The following STX7 variants were observed in gnomAD, a reference collection of about 807,000 sequenced individuals.
STX7 encodes syntaxin 7, also known as syntaxin-7.
In STX7, 34 loss-of-function variants were observed where a neutral mutation model predicts 39.6. The ratio of observed to expected loss-of-function variants is 0.86; its 90% confidence interval spans 0.65 to 1.14. STX7 has a LOEUF of 1.14. Ranked by LOEUF, STX7 falls within the 50% of genes most tolerant of loss-of-function variation. The pLI, the probability that STX7 is intolerant of heterozygous loss-of-function variation, is 0.00. For missense variants in STX7, 284 were observed against 310.4 expected, an observed-to-expected ratio of 0.92 and a Z score of 0.64; for synonymous variants, 119 against 99.1, an observed-to-expected ratio of 1.20 and a Z score of -1.19.
In STX7 at chr6:132,460,254, C is replaced by T. The variant is rs151129067; in HGVS notation, c.*504G>A. On this transcript the variant is annotated 3_prime_UTR_variant, in exon 10 of 10. Coordinates refer to ENST00000367941, the MANE Select transcript of STX7 (RefSeq NM_003569.3). ...AAAACCAACAAAAAAATGAAAGACA[C>T]TTTGTGCTGTTGTGAACCAGAAAAA... The T allele has an allele frequency of 2.4e-4, 36 of 152,288 alleles. No individual in the cohort carries two copies. The highest frequency in any genetic ancestry group is 8.2e-4 in the African/African-American group (34 of 41,566). 9.4% of individuals were successfully genotyped at this position (152,288 alleles called of 1,614,324 possible).
intron 1 of STX7, among the ~76,000 whole-genome samples, chr6:132,505,356 C>T (rs1775671636): frequency 6.6e-6 from 1 of 152,156 alleles, no homozygotes; most frequent in South Asian, 2.1e-4. Context: ...AGTACAACAG[C>T]TGAACTGTTG....
intron 2 of STX7, among the ~76,000 whole-genome samples, chr6:132,484,672 TA>T (rs2114420850): frequency 6.6e-6 from 1 of 152,328 alleles, no homozygotes; most frequent in Admixed American, 6.5e-5. Context: ...TAATGGTTAG[TA>T]AAATCCCTGG....
intron 2 of STX7, among the ~76,000 whole-genome samples, chr6:132,476,364 C>G (rs986012781): frequency 6.6e-6 from 1 of 151,886 alleles, no homozygotes; most frequent in Admixed American, 6.6e-5. Context: ...TGAATCTAAT[C>G]ACAAAAAGAA....
chr6:132,505,674 A>G (rs540404371), intron 1 of STX7, among the ~76,000 whole-genome samples: 1 of 150,054 alleles, frequency 6.7e-6, no homozygotes, highest in South Asian at 2.2e-4. Context: ...TGGGGATTCA[A>G]TGACACCAAC....
chr6:132,448,989 A>C lies in STX7; in HGVS notation c.*11769T>G, dbSNP rs1295351697. 1 of 151,114 alleles carries C rather than the reference A, an allele frequency of 6.6e-6. No homozygotes were observed. The highest frequency in any genetic ancestry group is 1.5e-5 in the Non-Finnish European group (1 of 67,870). The allele number at this position is 151,114 out of a possible 1,614,324, so 9.4% of individuals were successfully genotyped here. On this transcript the variant is annotated 3_prime_UTR_variant, in exon 10 of 10. Coordinates refer to ENST00000367941, the MANE Select transcript of STX7 (RefSeq NM_003569.3). ...TTGGCTTCCTTTTCCTGGTTGATAT[A>C]CATTTTGCTTCTTGTATATGTGGAT... is the stretch of plus-strand genomic sequence containing the variant.
intron 2 of STX7, among the ~76,000 whole-genome samples, chr6:132,483,451 A>G (rs1200975745): frequency 1.3e-5 from 2 of 152,208 alleles, no homozygotes; most frequent in Non-Finnish European, 2.9e-5. Flanking sequence ...ATATTTAACA[A>G]TGTCACAAAA....
At position 132,452,931 on chromosome 6, in the gene STX7, G is replaced by C. The variant is rs1774163837; in HGVS notation, c.*7827C>G. 1 of 152,064 alleles carries C rather than the reference G, an allele frequency of 6.6e-6. No homozygotes were observed. Among genetic ancestry groups the C allele is most frequent in the Admixed American group, 6.6e-5 (1 of 15,264 alleles). The allele number at this position is 152,064 out of a possible 1,614,324, so 9.4% of individuals were successfully genotyped here. The stretch of plus-strand genomic sequence containing the variant: ...GGAACTAAGTGGCTAAAACAATTTT[G>C]AAAAAGAAAGTGGAATAAACCAGCC... On this transcript the variant is annotated 3_prime_UTR_variant, in exon 10 of 10. Transcript: ENST00000367941.
At chr6:132,505,512 C>T (rs142957590) in intron 1 of STX7, among the ~76,000 whole-genome samples, 1 of 152,224 alleles carries the variant, frequency 6.6e-6, no homozygotes, top group African/African-American at 2.4e-5. Context: ...CTCTGGGTCT[C>T]ACCAAATCCT....
In STX7 at chr6:132,459,231, C is replaced by G. The variant is rs1774325367; in HGVS notation, c.*1527G>C. The G allele has an allele frequency of 6.6e-6, 1 of 152,210 alleles. No homozygotes were observed. The highest frequency in any genetic ancestry group is 2.4e-5 in the African/African-American group (1 of 41,450). The allele number at this position is 152,210 out of a possible 1,614,324, so 9.4% of individuals were successfully genotyped here. Reference sequence around the variant, plus strand: ...TTCTGGCAACAGGAGTCTCTAAGTTCCAATCACTCACTCACAAAAGAGTTT... The same window carrying G: ...TTCTGGCAACAGGAGTCTCTAAGTTGCAATCACTCACTCACAAAAGAGTTT... On this transcript the variant is annotated 3_prime_UTR_variant, in exon 10 of 10. Transcript: ENST00000367941.
intron 2 of STX7, among the ~76,000 whole-genome samples, chr6:132,487,745 AAT>A: frequency 6.6e-6 from 1 of 152,318 alleles, no homozygotes; most frequent in Non-Finnish European, 1.5e-5. Context: ...TTACATATAA[AAT>A]ATGTAGAATT....
chr6:132,507,946 A>G (rs981303313), intron 1 of STX7, among the ~76,000 whole-genome samples: 16 of 152,200 alleles, frequency 1.1e-4, no homozygotes, highest in African/African-American at 2.4e-4. Flanking sequence ...TCGTGTCTAC[A>G]TGTCTGTGAA....
chr6:132,465,410 A>G (rs1774540426), intron 8 of STX7, among the ~76,000 whole-genome samples: 1 of 151,980 alleles, frequency 6.6e-6, no homozygotes, highest in Non-Finnish European at 1.5e-5. Flanking sequence ...TCCTTACCCT[A>G]GCCTTAGAGT....
chr6:132,505,643 C>T (rs1449489070), intron 1 of STX7, among the ~76,000 whole-genome samples: 2 of 149,356 alleles, frequency 1.3e-5, no homozygotes, highest in African/African-American at 2.5e-5. Context: ...GACTTGGGCC[C>T]AGACAGAACA....
chr6:132,466,089 T>G (rs1435440186), intron 8 of STX7, among the ~76,000 whole-genome samples: 1 of 152,252 alleles, frequency 6.6e-6, no homozygotes, highest in African/African-American at 2.4e-5. Flanking sequence ...TATCCACCAC[T>G]GTTCTCCTCC....
intron 2 of STX7, among the ~76,000 whole-genome samples, chr6:132,479,664 C>G (rs1367595748): frequency 6.6e-6 from 1 of 152,172 alleles, no homozygotes; most frequent in African/African-American, 2.4e-5. Flanking sequence ...CACATATAGA[C>G]TCAACAATAT....
At chr6:132,497,248 G>A (rs746679269) in intron 2 of STX7, among the ~76,000 whole-genome samples, 26 of 152,020 alleles carry the variant, frequency 1.7e-4, no homozygotes, top group Non-Finnish European at 3.1e-4. Flanking sequence ...ATACAGTAAC[G>A]AAAACAAATG....
chr6:132,469,913 ACCAGAGCAGCAGC>A (rs1774669916), intron 7 of STX7, 25 bp downstream of exon 7: 5 of 1,521,560 alleles, frequency 3.3e-6, no homozygotes, highest in African/African-American at 1.4e-5. Flanking sequence ...ACTCACTAAG[ACCAGAGCAGCAGC>A]CCAAGTCTAC....
At position 132,452,438 on chromosome 6, in the gene STX7, A is replaced by T. The variant is rs1774153960; in HGVS notation, c.*8320T>A. ...AATATAGGTCAGAAATGAAGAGATA[A>T]AACTATTCATTATTTGCAGATGACA... On this transcript the variant is annotated 3_prime_UTR_variant, in exon 10 of 10. Transcript: ENST00000367941. The T allele has an allele frequency of 6.6e-6, 1 of 151,996 alleles. No individual in the cohort carries two copies. Among genetic ancestry groups the T allele is most frequent in the South Asian group, 2.1e-4 (1 of 4,828 alleles). 9.4% of individuals were successfully genotyped at this position (151,996 alleles called of 1,614,324 possible). A position where few individuals can be genotyped will look rare whatever the true frequency, so the allele number is the denominator to read the frequency against.
intron 2 of STX7, among the ~76,000 whole-genome samples, chr6:132,497,301 A>C (rs1208109446): frequency 6.6e-6 from 1 of 152,222 alleles, no homozygotes; most frequent in Non-Finnish European, 1.5e-5. Context: ...TAATGAAAGA[A>C]GCCCAACATA....
Sources: gnomAD v4.1 joint callset for allele counts (sites outside exome capture counted in the v4.1 genomes callset) on GRCh38, gnomAD v4.1.1 for gene constraint, MANE v1.5 for transcripts, NCBI Gene and HGNC (gene_info 2026-07-23, HGNC 2026-07-21) for gene names.